The following RFTN1 variants were observed in gnomAD, a reference collection of about 807,000 sequenced individuals.
RFTN1 encodes raftlin, lipid raft linker 1.
A neutral mutation model predicts 46.5 loss-of-function variants in RFTN1; 26 were observed. The observed-to-expected ratio is 0.56, with a 90% CI of 0.41 to 0.78. The LOEUF (loss-of-function observed/expected upper bound fraction) is 0.78, where lower values mean the gene tolerates loss of function less well. RFTN1 is among the 30% of genes least tolerant of loss of function. The pLI is 0.00. For missense variants in RFTN1, 693 were observed against 718.7 expected, an observed-to-expected ratio of 0.96 and a Z score of 0.41; for synonymous variants, 261 against 284.2, an observed-to-expected ratio of 0.92 and a Z score of 0.82.
Position 16,342,214 on chromosome 3 carries a change from C to T in RFTN1, c.1147-15338G>A, listed in dbSNP as rs1387734451. Among the ~76,000 whole-genome samples, 2 of 152,054 alleles carry T rather than the reference C, an allele frequency of 1.3e-5. No individual in the cohort carries two copies. The highest frequency in any genetic ancestry group is 4.8e-5 in the African/African-American group (2 of 41,382). ...AGTCACTCCCCTTTCCCCCCACCCA[C>T]CCCGAGGCAACCACGAGTCCACTTT... On this transcript the variant is annotated intron_variant, in intron 7 of 9. Transcript: ENST00000334133. This position sits in a 1 kb window ranked among gnomAD's most constrained non-coding sequence, Gnocchi z 4.0.
rs2074134179 is a variant in RFTN1 at position 16,385,349 on chromosome 3, G to A, written c.442-7247C>T. On this transcript the variant is annotated intron_variant, in intron 4 of 9. Transcript: ENST00000334133. The surrounding 1 kb of genome is among the most constrained non-coding windows in gnomAD (Gnocchi z 5.0). ...TGTTAACACTTAGCTGCAGAAATTGGAAGCTTTGCCAGGCGCTGCTGGATG... is the reference window on the plus strand; with the variant it reads ...TGTTAACACTTAGCTGCAGAAATTGAAAGCTTTGCCAGGCGCTGCTGGATG... Among the ~76,000 whole-genome samples, 1 of 152,194 alleles carries A rather than the reference G, an allele frequency of 6.6e-6. No homozygotes were observed. Among genetic ancestry groups the A allele is most frequent in the African/African-American group, 2.4e-5 (1 of 41,436 alleles).
At position 16,381,599 on chromosome 3, in the gene RFTN1, C is replaced by T. The variant is rs1285831389; in HGVS notation, c.442-3497G>A. Among the ~76,000 whole-genome samples the T allele has an allele frequency of 6.6e-6, 1 of 152,064 alleles. No homozygotes were observed. The highest frequency in any genetic ancestry group is 2.4e-5 in the African/African-American group (1 of 41,400). On this transcript the variant is annotated intron_variant, in intron 4 of 9. Transcript: ENST00000334133. This position sits in a 1 kb window ranked among gnomAD's most constrained non-coding sequence, Gnocchi z 4.2. Reference sequence around the variant, plus strand: ...ATGCTAGACAAAACCTATTTGGGACCTACTCTGCAGAAGGCTTTGAAGGAT... The same window carrying T: ...ATGCTAGACAAAACCTATTTGGGACTTACTCTGCAGAAGGCTTTGAAGGAT...
At position 16,383,048 on chromosome 3, in the gene RFTN1, C is replaced by T. The variant is rs1393543613; in HGVS notation, c.442-4946G>A. 6.6e-6 allele frequency among the ~76,000 whole-genome samples: 1 copy of T among 152,202 alleles called. No homozygotes were observed. Among genetic ancestry groups the T allele is most frequent in the Non-Finnish European group, 1.5e-5 (1 of 68,032 alleles). On this transcript the variant is annotated intron_variant, in intron 4 of 9. Transcript: ENST00000334133. The surrounding 1 kb of genome is among the most constrained non-coding windows in gnomAD (Gnocchi z 4.0). ...TCTACAAAGAACTTTCACATGCATT[C>T]CCTTAGGCCTCAAAATCATACCTTA...
rs1180658849 is a variant in RFTN1 at position 16,447,974 on chromosome 3, CCTT to C, written c.146-13940_146-13938del. 6.6e-6 allele frequency among the ~76,000 whole-genome samples: 1 copy of C among 152,070 alleles called. No homozygotes were observed. The highest frequency in any genetic ancestry group is 1.5e-5 in the Non-Finnish European group (1 of 68,020). On this transcript the variant is annotated intron_variant, in intron 2 of 9. Coordinates refer to ENST00000334133, the MANE Select transcript of RFTN1 (RefSeq NM_015150.2). The surrounding 1 kb of genome is among the most constrained non-coding windows in gnomAD (Gnocchi z 5.9). ...TTATTTCTTCCCTCTCTTCCTCTCT[CCTT>C]CTTTTCTCTCTTTTTTCTTTTCTTC... is the stretch of plus-strand genomic sequence containing the variant.
Position 16,370,404 on chromosome 3 carries a change from G to A in RFTN1, c.827-125C>T, listed in dbSNP as rs893725148. 2.2e-6 allele frequency: 2 copies of A among 900,082 alleles called. No homozygotes were observed. The highest frequency in any genetic ancestry group is 2.4e-5 in the East Asian group (1 of 41,324). 55.8% of individuals were successfully genotyped at this position (900,082 alleles called of 1,614,324 possible). ...TGATATGATGAATGCTGAAATCTCT[G>A]TGAGGCTGTATTGTTGCCAGATAAT... On this transcript the variant is annotated intron_variant, in intron 5 of 9. Coordinates refer to ENST00000334133, the MANE Select transcript of RFTN1 (RefSeq NM_015150.2). This position sits in a 1 kb window ranked among gnomAD's most constrained non-coding sequence, Gnocchi z 5.5.
intron 2 of RFTN1, among the ~76,000 whole-genome samples, chr3:16,477,966 G>T (rs564023766): frequency 1.3e-5 from 2 of 152,322 alleles, no homozygotes; most frequent in East Asian, 3.9e-4. Context: ...TGTCTCCACA[G>T]TATCAAAGAA....
intron 6 of RFTN1, among the ~76,000 whole-genome samples, chr3:16,368,674 G>A (rs1352141830): frequency 1.4e-5 from 2 of 140,802 alleles, no homozygotes; most frequent in African/African-American, 2.7e-5. Flanking sequence ...GCGAGACTCT[G>A]TCCAAAAAAA....
chr3:16,372,218 A>T (rs530576822), intron 5 of RFTN1, among the ~76,000 whole-genome samples: 3 of 152,300 alleles, frequency 2.0e-5, no homozygotes, highest in African/African-American at 4.8e-5. Flanking sequence ...ATGCCAGTGA[A>T]TGAGTGCACT....
rs2074578654 is a variant in RFTN1, at chr3:16,400,679, C to T, written c.441+8696G>A. Among the ~76,000 whole-genome samples, 1 of 152,150 alleles carries T rather than the reference C, an allele frequency of 6.6e-6. No homozygotes were observed. The highest frequency in any genetic ancestry group is 1.5e-5 in the Non-Finnish European group (1 of 68,034). ...TTTTTTGGGGAGTGATTGAGACAAG[C>T]GTATGACCCCTTCCCTCCCTCCGGC... On this transcript the variant is annotated intron_variant, in intron 4 of 9. Transcript: ENST00000334133. The surrounding 1 kb of genome is among the most constrained non-coding windows in gnomAD (Gnocchi z 4.5).
In RFTN1 at chr3:16,418,783, G is replaced by A. The variant is rs2075132523; in HGVS notation, c.333-9300C>T. On this transcript the variant is annotated intron_variant, in intron 3 of 9. Coordinates refer to ENST00000334133, the MANE Select transcript of RFTN1 (RefSeq NM_015150.2). The surrounding 1 kb of genome is among the most constrained non-coding windows in gnomAD (Gnocchi z 5.0). ...GCTATTCCTAGTTTCATTAACTTAC[G>A]TATAACTAATGACAATAAAAATCTC... is the stretch of plus-strand genomic sequence containing the variant. Among the ~76,000 whole-genome samples, 1 of 151,916 alleles carries A rather than the reference G, an allele frequency of 6.6e-6. No homozygotes were observed. Among genetic ancestry groups the A allele is most frequent in the African/African-American group, 2.4e-5 (1 of 41,420 alleles).
At chr3:16,453,249 C>T (rs1249980739) in intron 2 of RFTN1, among the ~76,000 whole-genome samples, 1 of 152,190 alleles carries the variant, frequency 6.6e-6, no homozygotes, top group Admixed American at 6.5e-5. Flanking sequence ...ACTATGAATT[C>T]TCCCTAATTA....
At chr3:16,369,148 T>G (rs1384069800) in intron 6 of RFTN1, among the ~76,000 whole-genome samples, 1 of 152,288 alleles carries the variant, frequency 6.6e-6, no homozygotes, top group South Asian at 2.1e-4. Flanking sequence ...TACATTCATT[T>G]AGAATTCAGA....
chr3:16,475,453 C>G lies in RFTN1; in HGVS notation c.145+18272G>C, dbSNP rs2076265219. 6.6e-6 allele frequency among the ~76,000 whole-genome samples: 1 copy of G among 152,172 alleles called. No individual in the cohort carries two copies. The highest frequency in any genetic ancestry group is 2.4e-5 in the African/African-American group (1 of 41,430). On this transcript the variant is annotated intron_variant, in intron 2 of 9. Transcript: ENST00000334133. The surrounding 1 kb of genome is among the most constrained non-coding windows in gnomAD (Gnocchi z 4.2). ...ACTGAACTAGAAGTTGAGATTGCCC[C>G]TTGGCTATTTTAGACTACCAATGCC...
chr3:16,389,685 A>G (rs754783417), intron 4 of RFTN1, among the ~76,000 whole-genome samples: 5 of 152,230 alleles, frequency 3.3e-5, no homozygotes, highest in African/African-American at 9.6e-5. Flanking sequence ...GAACATAAGC[A>G]TGTTGGAATT....
chr3:16,394,655 G>T (rs1575215016), intron 4 of RFTN1, among the ~76,000 whole-genome samples: 2 of 152,130 alleles, frequency 1.3e-5, no homozygotes, highest in East Asian at 3.8e-4. Flanking sequence ...TGTTCATTTT[G>T]TGCTAACTCA....
intron 6 of RFTN1, among the ~76,000 whole-genome samples, chr3:16,362,223 G>A (rs903657043): frequency 6.6e-6 from 1 of 152,184 alleles, no homozygotes; most frequent in Admixed American, 6.5e-5. Context: ...AGAGCCCTAT[G>A]GGTAAACCAA....
Position 16,320,468 on chromosome 3 carries a change from C to T in RFTN1, c.1332+2908G>A, listed in dbSNP as rs112726926. Among the ~76,000 whole-genome samples, 102 of 152,318 alleles carry T rather than the reference C, an allele frequency of 6.7e-4. No homozygotes were observed. Among genetic ancestry groups the T allele is most frequent in the African/African-American group, 2.2e-3 (93 of 41,574 alleles). Reference sequence around the variant, plus strand: ...ATTGATTCGACAAGTATCTGTTGAGCACCAACTAAAATCTGGGTACACAAC... The same window carrying T: ...ATTGATTCGACAAGTATCTGTTGAGTACCAACTAAAATCTGGGTACACAAC... On this transcript the variant is annotated intron_variant, in intron 9 of 9. Transcript: ENST00000334133. The surrounding 1 kb of genome is among the most constrained non-coding windows in gnomAD (Gnocchi z 4.5).
intron 7 of RFTN1, among the ~76,000 whole-genome samples, chr3:16,330,821 G>A (rs2070236180): frequency 1.3e-5 from 2 of 152,182 alleles, no homozygotes; most frequent in South Asian, 4.1e-4. Flanking sequence ...AGAATGTAGA[G>A]TTTACTAAGA....
intron 5 of RFTN1, among the ~76,000 whole-genome samples, chr3:16,372,613 A>C (rs2125365936): frequency 6.6e-6 from 1 of 152,360 alleles, no homozygotes; most frequent in African/African-American, 2.4e-5. Context: ...ACTACATGGT[A>C]ACACTTGATC....
Sources: allele counts gnomAD v4.1 joint callset (sites outside exome capture counted in the v4.1 genomes callset), GRCh38; gene constraint gnomAD v4.1.1; non-coding constraint Gnocchi (gnomAD v3.1); transcripts MANE v1.5; gene names NCBI Gene and HGNC (gene_info 2026-07-23, HGNC 2026-07-21).